Variants in CEP20 observed in about 807,000 individuals in gnomAD.
CEP20 encodes centrosomal protein 20.
In CEP20, 18 loss-of-function variants were observed where a neutral mutation model predicts 20.0. The ratio of observed to expected loss-of-function variants is 0.90; its 90% CI spans 0.62 to 1.34. The LOEUF (loss-of-function observed/expected upper bound fraction) is 1.34. Among genes scored for constraint, CEP20 ranks in the 40% most tolerant of loss-of-function variants. The probability of loss-of-function intolerance (pLI) is 0.00; values close to 1 mark genes in which losing one functional copy is unlikely to be tolerated. For synonymous variants in CEP20, 77 were observed against 73.7 expected (o/e 1.04, Z -0.23); for missense variants, 215 against 201.6 (o/e 1.07, Z -0.40).
intron 2 of CEP20, among the ~76,000 whole-genome samples, chr16:15,882,551 C>T (rs925309499): frequency 1.7e-5 from 2 of 120,434 alleles, no homozygotes; most frequent in African/African-American, 8.0e-5. Context: ...AACAAACAAA[C>T]ATACAAAAAA....
At chr16:15,879,556 A>C (rs1357549865) in intron 3 of CEP20, among the ~76,000 whole-genome samples, 3 of 152,176 alleles carry the variant, frequency 2.0e-5, no homozygotes, top group Non-Finnish European at 4.4e-5. Context: ...TAGAAGGACA[A>C]AGGATCAAGA....
chr16:15,880,568 A>G (rs1238214866), intron 2 of CEP20, among the ~76,000 whole-genome samples: 2 of 152,218 alleles, frequency 1.3e-5, no homozygotes, highest in Non-Finnish European at 2.9e-5. Context: ...GGAAAAACAA[A>G]CATGGCTGAA....
chr16:15,869,885 C>T (rs536479183), intron 4 of CEP20, among the ~76,000 whole-genome samples: 1 of 152,256 alleles, frequency 6.6e-6, no homozygotes, highest in African/African-American at 2.4e-5. Context: ...TTTTTGATGA[C>T]CAAGAAAATA....
rs1220692768 is a variant in CEP20 at position 15,871,843 on chromosome 16, A to C, written c.448+1648T>G. On this transcript the variant is annotated intron_variant, in intron 4 of 4. Coordinates refer to ENST00000255759, the MANE Select transcript of CEP20 (RefSeq NM_144600.4). Reference sequence around the variant, plus strand: ...ATTCACTGTTTACTTTCAGACCTCAAGAGACACCAAGCATCTAACACGGTC... The same window carrying C: ...ATTCACTGTTTACTTTCAGACCTCACGAGACACCAAGCATCTAACACGGTC... Among the ~76,000 whole-genome samples, 3 of 152,194 alleles carry C rather than the reference A, an allele frequency of 2.0e-5. No individual in the cohort carries two copies. In the East Asian group the frequency reaches 5.8e-4, roughly 29 times the overall value.
intron 4 of CEP20, among the ~76,000 whole-genome samples, chr16:15,870,773 T>C (rs2044794781): frequency 2.0e-5 from 3 of 151,754 alleles, no homozygotes; most frequent in Admixed American, 2.0e-4. Context: ...ATTGTGCCAC[T>C]GCACTCCAAC....
intron 4 of CEP20, among the ~76,000 whole-genome samples, chr16:15,868,576 T>C (rs2044741073): frequency 6.6e-6 from 1 of 152,184 alleles, no homozygotes; most frequent in Non-Finnish European, 1.5e-5. Flanking sequence ...GGAAAAAATA[T>C]ATACATAAAT....
chr16:15,888,567 A>G lies in CEP20; in HGVS notation c.19T>C (p.Leu7=). 2 of 1,613,704 alleles carry G rather than the reference A, an allele frequency of 1.2e-6. No individual in the cohort carries two copies. Among genetic ancestry groups the G allele is most frequent in the African/African-American group, 1.3e-5 (1 of 74,876 alleles). MATVAE[L]KAVLKDTLEK... Reference sequence around the variant, plus strand: ...CCCTGCTCGCACTCACCAGCCTTCAACTCTGCCACAGTCGCCATTTTTCAA... The same window carrying G: ...CCCTGCTCGCACTCACCAGCCTTCAGCTCTGCCACAGTCGCCATTTTTCAA... The change falls in exon 1 of 5, where the codon TTG becomes CTG. Residue 7 remains leucine (L), a synonymous_variant. Transcript: ENST00000255759.
chr16:15,877,270 C>G (rs530773460), intron 3 of CEP20: 1 of 152,494 alleles, frequency 6.6e-6, no homozygotes, highest in South Asian at 2.1e-4. Context: ...TGAGCACAAA[C>G]TTCTTAATAC....
intron 3 of CEP20, among the ~76,000 whole-genome samples, chr16:15,877,710 G>C (rs1596999611): frequency 6.6e-6 from 1 of 152,104 alleles, no homozygotes; most frequent in Non-Finnish European, 1.5e-5. Flanking sequence ...CCAGGAGTTC[G>C]AGGCTGCAGT....
chr16:15,888,108 G>C (rs946515804), intron 1 of CEP20, among the ~76,000 whole-genome samples: 2 of 150,566 alleles, frequency 1.3e-5, no homozygotes, highest in Non-Finnish European at 3.0e-5. Flanking sequence ...GGAGGGGAGG[G>C]CTACTTAACA....
chr16:15,876,114 C>G lies in CEP20; in HGVS notation c.312-2487G>C, dbSNP rs1012392748. Among the ~76,000 whole-genome samples, 40 of 148,230 alleles carry G rather than the reference C, an allele frequency of 2.7e-4. 1 individual carries two copies. In the East Asian group the frequency reaches 3.9e-3, roughly 14 times the overall value. On this transcript the variant is annotated intron_variant, in intron 3 of 4. Coordinates refer to ENST00000255759, the MANE Select transcript of CEP20 (RefSeq NM_144600.4). ...AAAATATTAATGTGATTGTGGAATA[C>G]TACTTTAGGACTCCCTGGCACATAC...
intron 1 of CEP20, among the ~76,000 whole-genome samples, chr16:15,886,498 G>T (rs932599268): frequency 1.3e-5 from 2 of 152,164 alleles, no homozygotes; most frequent in African/African-American, 4.8e-5. Context: ...CACTGGCAAG[G>T]ATCCTGTCCC....
At chr16:15,886,108 G>A (rs1479533337) in intron 1 of CEP20, 1 of 152,204 alleles carries the variant, frequency 6.6e-6, no homozygotes, top group Non-Finnish European at 1.5e-5. Context: ...GGAAATCAAT[G>A]TAGTTTAACA....
Position 15,885,265 on chromosome 16 carries a change from G to A in CEP20, c.29-1060C>T, listed in dbSNP as rs138817237. Among the ~76,000 whole-genome samples, 14 of 151,728 alleles carry A rather than the reference G, an allele frequency of 9.2e-5. No homozygotes were observed. The East Asian group carries it at 2.8e-3, about 30-fold the overall frequency. On this transcript the variant is annotated intron_variant, in intron 1 of 4. Transcript: ENST00000255759. ...GGAGGGTGCAGTGAGCTGAGGTGGTGCCACTGCACTCTAGCCTGGGCGAAA... is the reference window on the plus strand; with the variant it reads ...GGAGGGTGCAGTGAGCTGAGGTGGTACCACTGCACTCTAGCCTGGGCGAAA...
intron 1 of CEP20, among the ~76,000 whole-genome samples, chr16:15,888,083 A>C (rs1419337090): frequency 6.6e-6 from 1 of 151,580 alleles, no homozygotes; most frequent in African/African-American, 2.4e-5. Flanking sequence ...CTTTAAAAAA[A>C]AAAAAAAAAA....
chr16:15,867,739 G>A (rs1050138141), intron 4 of CEP20, among the ~76,000 whole-genome samples: 2 of 152,142 alleles, frequency 1.3e-5, no homozygotes, highest in African/African-American at 4.8e-5. Context: ...TTGGGAGGCC[G>A]AGGTGGGTGG....
chr16:15,876,999 T>C (rs553314870), intron 3 of CEP20, among the ~76,000 whole-genome samples: 17 of 152,172 alleles, frequency 1.1e-4, no homozygotes, highest in Admixed American at 9.2e-4. Flanking sequence ...ACTACAGGCA[T>C]CCGCCACCTT....
chr16:15,873,799 TA>T (rs1017268893), intron 3 of CEP20, among the ~76,000 whole-genome samples, 172 bp from the exon 4 acceptor site: 3 of 152,246 alleles, frequency 2.0e-5, no homozygotes, highest in Admixed American at 2.0e-4. Context: ...TTCATACTTT[TA>T]AATTTAAGAG....
Position 15,884,208 on chromosome 16 carries a change from G to A in CEP20, c.29-3C>T, listed in dbSNP as rs766350689. 13 of 1,594,578 alleles carry A rather than the reference G, an allele frequency of 8.2e-6. No homozygotes were observed. The highest frequency in any genetic ancestry group is 1.3e-5 in the African/African-American group (1 of 74,242). On this transcript the variant is annotated splice_region_variant and splice_polypyrimidine_tract_variant and intron_variant, in intron 1 of 4. Coordinates refer to ENST00000255759, the MANE Select transcript of CEP20 (RefSeq NM_144600.4). ...TTTTTCCAAGGTGTCCTTTAAAACT[G>A]TTCGATATAAAATATTAAGGCTTCA... is the stretch of plus-strand genomic sequence containing the variant.
Sources: allele counts gnomAD v4.1 joint callset (sites outside exome capture counted in the v4.1 genomes callset), GRCh38; gene constraint gnomAD v4.1.1; transcripts MANE v1.5; gene names NCBI Gene and HGNC (gene_info 2026-07-23, HGNC 2026-07-21).